The following ANK3 variants were observed in gnomAD, a reference collection of about 807,000 sequenced individuals.
ANK3 encodes the protein ankyrin-3.
A neutral mutation model predicts 370.9 loss-of-function variants in ANK3; 57 were observed. That is an observed-to-expected ratio of 0.15 (90% CI 0.12 to 0.19). The LOEUF is 0.19. ANK3 is among the 10% of genes least tolerant of loss of function. The pLI is 1.00. For synonymous variants in ANK3, 1,929 were observed against 1,946.3 expected (o/e 0.99, Z 0.23); for missense variants, 4,439 against 5,302.1 (o/e 0.84, Z 5.06).
chr10:60,633,740 T>C (rs2078515380), intron 1 of ANK3, among the ~76,000 whole-genome samples: 1 of 152,170 alleles, frequency 6.6e-6, no homozygotes, highest in African/African-American at 2.4e-5. Flanking sequence ...TTTACAAATA[T>C]GCAACATGGT....
intron 2 of ANK3, among the ~76,000 whole-genome samples, chr10:60,469,077 A>G (rs1238938791): frequency 2.6e-5 from 2 of 77,976 alleles, no homozygotes; most frequent in African/African-American, 9.5e-5. Flanking sequence ...ATATATATAT[A>G]TATATATATA....
chr10:60,362,726 T>C (rs2058795970), intron 1 of ANK3, among the ~76,000 whole-genome samples: 1 of 152,064 alleles, frequency 6.6e-6, no homozygotes, highest in Admixed American at 6.6e-5. Context: ...ACTGAGAGGA[T>C]CCCCACACAT....
chr10:60,612,119 A>C (rs1260685083), intron 2 of ANK3, among the ~76,000 whole-genome samples: 1 of 152,078 alleles, frequency 6.6e-6, no homozygotes, highest in Admixed American at 6.6e-5. Context: ...AGGATTCTGC[A>C]TTTTCCGCAG....
chr10:60,606,698 A>G lies in ANK3; in HGVS notation c.96+8488T>C, dbSNP rs545401970. On this transcript the variant is annotated intron_variant, in intron 2 of 43. Transcript: ENST00000373827. ...GGCCAGTCTTTATCAGGGAGCATGG[A>G]ATTCACAGAAGAGAGGAGTCTGAGA... Among the ~76,000 whole-genome samples, 93 of 152,274 alleles carry G rather than the reference A, an allele frequency of 6.1e-4. 2 individuals are homozygous for G. In the South Asian group the frequency reaches 0.017, roughly 28 times the overall value.
intron 2 of ANK3, among the ~76,000 whole-genome samples, chr10:60,556,052 A>G (rs2077199394): frequency 6.6e-6 from 1 of 152,194 alleles, no homozygotes; most frequent in South Asian, 2.1e-4. Flanking sequence ...GTCATAGCCC[A>G]CCTGCTTCAG....
At chr10:60,066,041 G>A (rs1455461456) in intron 38 of ANK3, among the ~76,000 whole-genome samples, 3 of 152,182 alleles carry the variant, frequency 2.0e-5, no homozygotes, top group Non-Finnish European at 2.9e-5. Flanking sequence ...TCGAGGGACA[G>A]ATATAAATTT....
chr10:60,350,313 G>C lies in ANK3; in HGVS notation c.114+39112C>G, dbSNP rs549403390. On this transcript the variant is annotated intron_variant, in intron 1 of 43. Coordinates refer to ENST00000280772, the MANE Select transcript of ANK3 (RefSeq NM_020987.5). The stretch of plus-strand genomic sequence containing the variant: ...TTGTATACAGCAGTGGAGGGGATAT[G>C]GGGGAGGGAATGAATTAGGAATGAG... Among the ~76,000 whole-genome samples the C allele has an allele frequency of 2.0e-5, 3 of 152,272 alleles. No homozygotes were observed. The East Asian group carries it at 5.8e-4, about 29-fold the overall frequency.
intron 1 of ANK3, among the ~76,000 whole-genome samples, chr10:60,387,109 G>T (rs1045384439): frequency 1.3e-5 from 2 of 151,514 alleles, no homozygotes; most frequent in East Asian, 3.9e-4. Flanking sequence ...GCAGTGAGCC[G>T]AGATCATGCC....
chr10:60,575,986 A>G (rs1327786400), intron 2 of ANK3, among the ~76,000 whole-genome samples: 1 of 152,290 alleles, frequency 6.6e-6, no homozygotes, highest in Non-Finnish European at 1.5e-5. Context: ...TGATTGACCT[A>G]AAAACAGTCT....
intron 2 of ANK3, among the ~76,000 whole-genome samples, chr10:60,478,456 T>C (rs1264280181): frequency 6.6e-6 from 1 of 152,154 alleles, no homozygotes; most frequent in Non-Finnish European, 1.5e-5. Flanking sequence ...ATTACCATTA[T>C]AGCTGTGTTT....
rs755577410 is a variant in ANK3 at position 60,279,629 on chromosome 10, T to C, written c.125A>G (p.Asn42Ser). ...TCGAGCTGCTCTTAAGTAACTTGCATTGGCATCAGACTAAAATAAAAAAGA... is the reference window on the plus strand; with the variant it reads ...TCGAGCTGCTCTTAAGTAACTTGCACTGGCATCAGACTAAAATAAAAAAGA... ...SRDRKKKSDA[N>S]ASYLRAARAG... Residue 42 changes from asparagine to serine, a missense_variant, in exon 2 of 44, where the codon AAT becomes AGT. Around this residue, in one of 13 missense-constraint regions of ANK3, gnomAD observed 54 missense variants for 52.7 expected, o/e 1.02. Coordinates refer to ENST00000280772, the MANE Select transcript of ANK3 (RefSeq NM_020987.5). The C allele has an allele frequency of 1.2e-6, 2 of 1,610,372 alleles. No homozygotes were observed. Among genetic ancestry groups the C allele is most frequent in the East Asian group, 2.2e-5 (1 of 44,800 alleles).
intron 2 of ANK3, among the ~76,000 whole-genome samples, chr10:60,494,649 A>T (rs972044461): frequency 2.6e-5 from 4 of 152,160 alleles, no homozygotes; most frequent in Non-Finnish European, 5.9e-5. Context: ...CCTTATTTTT[A>T]AAAAATTGAG....
chr10:60,357,896 C>T (rs575648311), intron 1 of ANK3, among the ~76,000 whole-genome samples: 1 of 152,230 alleles, frequency 6.6e-6, no homozygotes, highest in East Asian at 1.9e-4. Flanking sequence ...GCAGAAGCAT[C>T]CCTGCCTTTC....
chr10:60,733,433 G>T lies in ANK3; in HGVS notation c.-114C>A, dbSNP rs373364727. 1.2e-4 allele frequency: 117 copies of T among 978,900 alleles called. No homozygotes were observed. In the South Asian group the frequency reaches 2.9e-3, roughly 24 times the overall value. The allele number at this position is 978,900 out of a possible 1,614,324, so 60.6% of individuals were successfully genotyped here. On this transcript the variant is annotated 5_prime_UTR_variant, in exon 1 of 44. Coordinates refer to the ANK3 transcript ENST00000373827. ...GGGAAAAAGTTCGGCCGCGGCTCAG[G>T]AACACCAAGCGCGGCCCCGCGACGC...
At chr10:60,137,734 T>C (rs1024361749) in intron 24 of ANK3, among the ~76,000 whole-genome samples, 4 of 152,148 alleles carry the variant, frequency 2.6e-5, no homozygotes, top group African/African-American at 9.6e-5. Context: ...GGTCAGCTAC[T>C]ACAGTTTTCT....
intron 30 of ANK3, among the ~76,000 whole-genome samples, chr10:60,085,900 C>T (rs958083172): frequency 2.0e-5 from 3 of 152,178 alleles, no homozygotes; most frequent in African/African-American, 7.2e-5. Context: ...CAGGCGTGAG[C>T]CACCGCGCCC....
Position 60,055,907 on chromosome 10 carries a change from A to C in ANK3, c.12816T>G (p.Asn4272Lys), listed in dbSNP as rs74961590. Residue 4272 changes from asparagine (N) to lysine (K), a missense_variant, in exon 42 of 44, where the codon AAT (asparagine) becomes AAG (lysine). Coordinates refer to ENST00000280772, the MANE Select transcript of ANK3 (RefSeq NM_020987.5). ...KTKSYFPESQ[N>K]DVGKQSTKET... Reference sequence around the variant, plus strand: ...CCTTGGTACTCTGTTTTCCTACATCATTTTGGGATTCTGGAAAGTAAGATT... The same window carrying C: ...CCTTGGTACTCTGTTTTCCTACATCCTTTTGGGATTCTGGAAAGTAAGATT... The C allele has an allele frequency of 2.9e-5, 47 of 1,614,054 alleles. No individual in the cohort carries two copies. The East Asian group carries it at 1.0e-3, about 34-fold the overall frequency.
intron 2 of ANK3, among the ~76,000 whole-genome samples, chr10:60,544,734 G>C (rs540917338): frequency 1.3e-5 from 2 of 152,154 alleles, no homozygotes; most frequent in African/African-American, 2.4e-5. Context: ...AGGCTGTCTT[G>C]ATCATTTTGT....
chr10:60,323,775 G>C (rs116188212), intron 1 of ANK3, among the ~76,000 whole-genome samples: 18 of 152,274 alleles, frequency 1.2e-4, no homozygotes, highest in African/African-American at 3.8e-4. Context: ...AGCAAGGTAG[G>C]AAGACAAGCA....
Sources: gnomAD v4.1 joint callset for allele counts (sites outside exome capture counted in the v4.1 genomes callset) on GRCh38, gnomAD v4.1.1 for gene constraint, gnomAD v4.1.1 regional missense constraint, MANE v1.5 for transcripts, NCBI Gene and HGNC (gene_info 2026-07-23, HGNC 2026-07-21) for gene names.